Variants in PCDHGB7 observed in about 807,000 individuals in gnomAD.
PCDHGB7 encodes the protein protocadherin gamma-B7.
PCDHGB7 carries 37 observed loss-of-function variants against 61.4 expected under a neutral mutation model. The ratio of observed to expected loss-of-function variants is 0.60; its 90% CI spans 0.46 to 0.79. The LOEUF (loss-of-function observed/expected upper bound fraction) is 0.79, where lower values mean the gene tolerates loss of function less well. Ranked by LOEUF, PCDHGB7 falls within the 30% of genes least tolerant of loss-of-function variation. The pLI is 0.00. For missense variants in PCDHGB7, 1,166 were observed against 1,202.5 expected (o/e 0.97, Z 0.45); for synonymous variants, 464 against 503.5 (o/e 0.92, Z 1.05).
rs754537015 is a variant in PCDHGB7 at position 141,431,184 on chromosome 5, T to C, written c.2415+10910T>C. The C allele has an allele frequency of 2.5e-6, 4 of 1,614,090 alleles. No individual in the cohort carries two copies. In the South Asian group the frequency reaches 3.3e-5, roughly 13 times the overall value. ...CGTGAAAGTGAATTAGAAATAAAAATTAGTGAAAATGCAGCCACTGAGATG... is the reference window on the plus strand; with the variant it reads ...CGTGAAAGTGAATTAGAAATAAAAACTAGTGAAAATGCAGCCACTGAGATG... On this transcript the variant is annotated intron_variant, in intron 1 of 3. Coordinates refer to ENST00000398594, the MANE Select transcript of PCDHGB7 (RefSeq NM_018927.4). This position sits in a 1 kb window ranked among gnomAD's most constrained non-coding sequence, Gnocchi z 4.8.
At chr5:141,456,984 C>T (rs374156327) in intron 1 of PCDHGB7, among the ~76,000 whole-genome samples, 1 of 152,082 alleles carries the variant, frequency 6.6e-6, no homozygotes, top group Admixed American at 6.6e-5. Flanking sequence ...AACAAACAAA[C>T]AAACAAAAAC....
At chr5:141,507,786 GTCTAAGCC>G (rs1279265471) in intron 3 of PCDHGB7, among the ~76,000 whole-genome samples, 1 of 152,174 alleles carries the variant, frequency 6.6e-6, no homozygotes, top group Admixed American at 6.5e-5. Flanking sequence ...CCTGACCCTC[GTCTAAGCC>G]TGCGCCCTGG....
intron 1 of PCDHGB7, chr5:141,422,833 C>G (rs2096676817): frequency 6.2e-7 from 1 of 1,614,106 alleles, no homozygotes; most frequent in African/African-American, 1.3e-5. Flanking sequence ...AGTGATAGCA[C>G]GTGACAGCGG....
At chr5:141,433,020 C>G (rs761127608) in intron 1 of PCDHGB7, 5 of 1,614,152 alleles carry the variant, frequency 3.1e-6, no homozygotes, top group East Asian at 2.2e-5. Flanking sequence ...CAGACCTATT[C>G]CCACGAGGTT....
intron 1 of PCDHGB7, chr5:141,440,642 A>G (rs1351979857): frequency 6.6e-6 from 1 of 152,234 alleles, no homozygotes; most frequent in African/African-American, 2.4e-5. Context: ...AATTCCTTAC[A>G]AAATTATCAC....
intron 1 of PCDHGB7, chr5:141,478,557 G>A (rs1316386006): frequency 1.2e-6 from 2 of 1,600,016 alleles, no homozygotes; most frequent in Non-Finnish European, 1.7e-6. Context: ...GTAAGGTTTA[G>A]CAAGTCATGC....
At chr5:141,472,046 A>T (rs945911971) in intron 1 of PCDHGB7, among the ~76,000 whole-genome samples, 4 of 152,210 alleles carry the variant, frequency 2.6e-5, no homozygotes, top group Non-Finnish European at 4.4e-5. Context: ...AAAAGATTTT[A>T]AAAATGATTG....
intron 1 of PCDHGB7, chr5:141,422,357 C>G: frequency 6.4e-7 from 1 of 1,557,656 alleles, no homozygotes; most frequent in African/African-American, 1.4e-5. Flanking sequence ...GATCAAGATT[C>G]TGGAGAAAAT....
At chr5:141,461,501 T>G (rs113852528) in intron 1 of PCDHGB7, among the ~76,000 whole-genome samples, 1 of 152,310 alleles carries the variant, frequency 6.6e-6, no homozygotes, top group South Asian at 2.1e-4. Flanking sequence ...TTATTTTTCT[T>G]GGTGATTTGT....
chr5:141,422,136 AGTACGGGG>A (rs772818860), intron 1 of PCDHGB7: 9 of 1,588,992 alleles, frequency 5.7e-6, no homozygotes, highest in Non-Finnish European at 7.7e-6. Flanking sequence ...GAGAAGTTCA[AGTACGGGG>A]GTCTCTGGAT....
chr5:141,442,014 G>T, intron 1 of PCDHGB7: 1 of 220,044 alleles, frequency 4.5e-6, no homozygotes, highest in Non-Finnish European at 9.2e-6. Flanking sequence ...TCGCACGATG[G>T]GCCACAGGAA....
At chr5:141,423,567 C>T (rs771827702) in intron 1 of PCDHGB7, 4 of 1,613,602 alleles carry the variant, frequency 2.5e-6, no homozygotes, top group Admixed American at 1.7e-5. Flanking sequence ...GGGACACGCT[C>T]ATCAGCCAGG....
intron 1 of PCDHGB7, among the ~76,000 whole-genome samples, chr5:141,474,726 A>G (rs549082085): frequency 6.6e-6 from 1 of 152,358 alleles, no homozygotes; most frequent in South Asian, 2.1e-4. Flanking sequence ...AAAGGACTCT[A>G]TGCAATCAAA....
At position 141,422,119 on chromosome 5, in the gene PCDHGB7, C is replaced by T. The variant is rs778866054; in HGVS notation, c.2415+1845C>T. 26 of 1,603,658 alleles carry T rather than the reference C, an allele frequency of 1.6e-5. No homozygotes were observed. In the Admixed American group the frequency reaches 4.2e-4, roughly 26 times the overall value. ...TTCTGAAATATTCCAATTGGATTCA[C>T]AAACTGGAGAAGTTCAAGTACGGGG... On this transcript the variant is annotated intron_variant, in intron 1 of 3. Transcript: ENST00000398594.
chr5:141,497,740 C>G (rs954595046), intron 2 of PCDHGB7, among the ~76,000 whole-genome samples: 9 of 152,054 alleles, frequency 5.9e-5, no homozygotes, highest in African/African-American at 2.2e-4. Context: ...GGTTTCGCCA[C>G]GTTGGCCAGG....
Position 141,489,552 on chromosome 5 carries a change from G to T in PCDHGB7, c.2416-5255G>T, listed in dbSNP as rs2099688780. ...GTGGAGCCAGCACCAGCTGCCTGCTGCCAGTGCAGGTGGTGACTGAACACC... is the reference window on the plus strand; with the variant it reads ...GTGGAGCCAGCACCAGCTGCCTGCTTCCAGTGCAGGTGGTGACTGAACACC... On this transcript the variant is annotated intron_variant, in intron 1 of 3. Coordinates refer to ENST00000398594, the MANE Select transcript of PCDHGB7 (RefSeq NM_018927.4). The surrounding 1 kb of genome is among the most constrained non-coding windows in gnomAD (Gnocchi z 4.5). The T allele has an allele frequency of 6.2e-7, 1 of 1,613,988 alleles. No homozygotes were observed. The highest frequency in any genetic ancestry group is 1.7e-5 in the Admixed American group (1 of 60,000).
At position 141,430,859 on chromosome 5, in the gene PCDHGB7, T is replaced by G. The variant is rs770543752; in HGVS notation, c.2415+10585T>G. The stretch of plus-strand genomic sequence containing the variant: ...GACCGGATGCACCCAGATACGCTAT[T>G]CAGTTCCGGAAGAGCTGGAGAAAGG... On this transcript the variant is annotated intron_variant, in intron 1 of 3. Transcript: ENST00000398594. 5.0e-6 allele frequency: 8 copies of G among 1,592,398 alleles called. No homozygotes were observed. The East Asian group carries it at 1.6e-4, about 31-fold the overall frequency.
rs1337141924 is a variant in PCDHGB7, at chr5:141,512,916, CTAATATT to C, written c.*1746_*1752del. On this transcript the variant is annotated 3_prime_UTR_variant, in exon 4 of 4. Coordinates refer to ENST00000398594, the MANE Select transcript of PCDHGB7 (RefSeq NM_018927.4). The stretch of plus-strand genomic sequence containing the variant: ...CTGTGTCTCACGCAAGTTTTATACT[CTAATATT>C]TATATGGCTTTTTTTCTTCGACAAA... The C allele has an allele frequency of 1.3e-5, 2 of 152,206 alleles. No homozygotes were observed. Among genetic ancestry groups the C allele is most frequent in the Non-Finnish European group, 2.9e-5 (2 of 68,046 alleles). The allele number at this position is 152,206 out of a possible 1,614,324, so 9.4% of individuals were successfully genotyped here.
chr5:141,430,637 G>A (rs2097298854), intron 1 of PCDHGB7: 1 of 890,676 alleles, frequency 1.1e-6, no homozygotes, highest in Admixed American at 2.8e-5. Context: ...ACCATCCCTG[G>A]GAGTATGTGG....
Sources: gnomAD v4.1 joint callset for allele counts (sites outside exome capture counted in the v4.1 genomes callset) on GRCh38, gnomAD v4.1.1 for gene constraint, Gnocchi (gnomAD v3.1) non-coding constraint, MANE v1.5 for transcripts, NCBI Gene and HGNC (gene_info 2026-07-23, HGNC 2026-07-21) for gene names.